ZNF521: variants seen among roughly 807,000 people sequenced by gnomAD.
ZNF521 encodes LYST-interacting protein 3.
In ZNF521, 14 loss-of-function variants were observed where a neutral mutation model predicts 105.5. The observed-to-expected ratio is 0.13, with a 90% CI of 0.09 to 0.21. ZNF521 has a LOEUF of 0.21. ZNF521 is among the 10% of genes least tolerant of loss of function. The probability of loss-of-function intolerance (pLI) is 1.00; values close to 1 mark genes in which losing one functional copy is unlikely to be tolerated. For synonymous variants in ZNF521, 635 were observed against 606.0 expected (o/e 1.05, Z -0.70); for missense variants, 1,233 against 1,629.7 (o/e 0.76, Z 4.19).
At chr18:25,351,975 T>A in intron 1 of ZNF521, 30 bp downstream of exon 1, 3 of 365,838 alleles carry the variant, frequency 8.2e-6, no homozygotes, top group Non-Finnish European at 1.1e-5. Flanking sequence ...GGAGAAGGAG[T>A]GTGCTGTGTG....
chr18:25,258,996 G>C (rs1464242024), intron 3 of ZNF521, among the ~76,000 whole-genome samples: 1 of 152,132 alleles, frequency 6.6e-6, no homozygotes, highest in Non-Finnish European at 1.5e-5. Context: ...AAAAACCTGT[G>C]AGCTTTCACA....
intron 5 of ZNF521, among the ~76,000 whole-genome samples, chr18:25,116,917 ATCTATG>A (rs1567968548): frequency 4.3e-5 from 6 of 139,698 alleles, no homozygotes; most frequent in African/African-American, 1.7e-4. Flanking sequence ...ATATACGTAT[ATCTATG>A]TATATATATA....
chr18:25,137,698 T>C (rs4643418), intron 5 of ZNF521, among the ~76,000 whole-genome samples: 104,652 of 152,022 alleles, frequency 0.69, 36,584 homozygotes, highest in African/African-American at 0.79. Context: ...GCACACACAC[T>C]TCCTAAATCC....
At chr18:25,171,416 A>G (rs1161419244) in intron 5 of ZNF521, among the ~76,000 whole-genome samples, 1 of 152,176 alleles carries the variant, frequency 6.6e-6, no homozygotes, top group Non-Finnish European at 1.5e-5. Context: ...AAGTTATGGA[A>G]TATCAAATAT....
rs959752797 is a variant in ZNF521, at chr18:25,168,665, G to A, written c.3658+26495C>T. 1.4e-4 allele frequency among the ~76,000 whole-genome samples: 22 copies of A among 152,138 alleles called. 1 individual carries two copies. Among genetic ancestry groups the A allele is most frequent in the Admixed American group, 9.2e-4 (14 of 15,270 alleles). ...GAACGTGCCAAAGTCACTAAACTGC[G>A]TGAGCTACAAATACAGTAAGAACAC... On this transcript the variant is annotated intron_variant, in intron 5 of 7. Coordinates refer to ENST00000361524, the MANE Select transcript of ZNF521 (RefSeq NM_015461.3).
At chr18:25,304,122 G>T (rs770415233) in intron 3 of ZNF521, among the ~76,000 whole-genome samples, 2 of 152,126 alleles carry the variant, frequency 1.3e-5, no homozygotes, top group Non-Finnish European at 2.9e-5. Context: ...AAGCACCAAA[G>T]GTTCATAGCA....
chr18:25,236,952 A>T (rs1440128771), intron 3 of ZNF521, among the ~76,000 whole-genome samples: 2 of 152,194 alleles, frequency 1.3e-5, no homozygotes, highest in Non-Finnish European at 2.9e-5. Context: ...TAAAAGAGGC[A>T]TTCTGAAAAT....
At chr18:25,204,241 T>G (rs377574612) in intron 4 of ZNF521, among the ~76,000 whole-genome samples, 10 of 152,284 alleles carry the variant, frequency 6.6e-5, no homozygotes, top group Middle Eastern at 6.8e-3. Context: ...CTAAACTCCA[T>G]GAAGATATAA....
At chr18:25,291,408 T>C (rs1911012012) in intron 3 of ZNF521, among the ~76,000 whole-genome samples, 1 of 152,218 alleles carries the variant, frequency 6.6e-6, no homozygotes, top group Admixed American at 6.5e-5. Flanking sequence ...AATGTGGCCA[T>C]CTTATTTGAC....
At chr18:25,212,214 TA>T (rs1439358721) in intron 4 of ZNF521, among the ~76,000 whole-genome samples, 1 of 151,942 alleles carries the variant, frequency 6.6e-6, no homozygotes, top group Non-Finnish European at 1.5e-5. Context: ...TAAAAATATA[TA>T]AAAAATATTT....
At chr18:25,183,120 C>T (rs867979193) in intron 5 of ZNF521, among the ~76,000 whole-genome samples, 3 of 152,124 alleles carry the variant, frequency 2.0e-5, no homozygotes, top group Non-Finnish European at 4.4e-5. Flanking sequence ...GTCTAATACT[C>T]ATTATTTGCT....
At chr18:25,294,194 A>T (rs1911193234) in intron 3 of ZNF521, among the ~76,000 whole-genome samples, 1 of 152,226 alleles carries the variant, frequency 6.6e-6, no homozygotes, top group Non-Finnish European at 1.5e-5. Context: ...TGATTTTTAA[A>T]TGATAAAAGC....
chr18:25,224,593 C>T lies in ZNF521; in HGVS notation c.3325G>A (p.Val1109Ile), dbSNP rs1259251891. The T allele has an allele frequency of 2.0e-5, 33 of 1,613,964 alleles. No homozygotes were observed. Among genetic ancestry groups the T allele is most frequent in the Admixed American group, 5.0e-5 (3 of 59,984 alleles). Residue 1109 changes from valine to isoleucine, a missense_variant, in exon 4 of 8, where the codon GTC becomes ATC. Coordinates refer to ENST00000361524, the MANE Select transcript of ZNF521 (RefSeq NM_015461.3). ...LSKSASPGIN[V>I]PPGTNRPGLG... ...CCTGGTCTATTCGTGCCGGGAGGGA[C>T]GTTAATGCCTGGGCTGGCGCTCTTA...
chr18:25,246,903 C>T (rs1317767886), intron 3 of ZNF521, among the ~76,000 whole-genome samples: 1 of 152,118 alleles, frequency 6.6e-6, no homozygotes, highest in Non-Finnish European at 1.5e-5. Flanking sequence ...GCTTCTCATC[C>T]TAAGGACTCT....
intron 7 of ZNF521, among the ~76,000 whole-genome samples, chr18:25,069,404 A>G (rs1454970416): frequency 1.3e-5 from 2 of 152,182 alleles, no homozygotes; most frequent in Admixed American, 1.3e-4. Context: ...AGTCCACACA[A>G]TTACAAAAGT....
Position 25,070,509 on chromosome 18 carries a change from T to C in ZNF521, c.3907-7768A>G, listed in dbSNP as rs904259877. Among the ~76,000 whole-genome samples, 10 of 152,278 alleles carry C rather than the reference T, an allele frequency of 6.6e-5. 1 individual carries two copies. The South Asian group carries it at 1.0e-3, about 16-fold the overall frequency. Reference sequence around the variant, plus strand: ...CAGTCATTACATAAAACACATCCCATTCACTTGCTTGGTTCCAGAGAGGAG... The same window carrying C: ...CAGTCATTACATAAAACACATCCCACTCACTTGCTTGGTTCCAGAGAGGAG... On this transcript the variant is annotated intron_variant, in intron 7 of 7. Coordinates refer to ENST00000361524, the MANE Select transcript of ZNF521 (RefSeq NM_015461.3).
chr18:25,167,640 T>C (rs1317006583), intron 5 of ZNF521, among the ~76,000 whole-genome samples: 1 of 152,204 alleles, frequency 6.6e-6, no homozygotes, highest in Non-Finnish European at 1.5e-5. Context: ...TTATACCAAT[T>C]CATGCCAACA....
At chr18:25,271,060 A>G (rs1052412234) in intron 3 of ZNF521, among the ~76,000 whole-genome samples, 11 of 152,234 alleles carry the variant, frequency 7.2e-5, no homozygotes, top group Admixed American at 7.2e-4. Flanking sequence ...CAAGCTGATA[A>G]GCAACTTCAG....
intron 5 of ZNF521, among the ~76,000 whole-genome samples, chr18:25,169,059 CTATAT>C (rs1051881093): frequency 6.6e-6 from 1 of 152,068 alleles, no homozygotes; most frequent in Non-Finnish European, 1.5e-5. Flanking sequence ...TTTCCTGGCA[CTATAT>C]TATAATTCCA....
Sources: allele counts gnomAD v4.1 joint callset (sites outside exome capture counted in the v4.1 genomes callset), GRCh38; gene constraint gnomAD v4.1.1; transcripts MANE v1.5; gene names NCBI Gene and HGNC (gene_info 2026-07-23, HGNC 2026-07-21).